POLD3: variants seen among roughly 807,000 people sequenced by gnomAD.
POLD3 encodes DNA polymerase delta 3, accessory subunit.
Under a neutral mutation model 58.2 loss-of-function variants are expected in POLD3, and 19 were observed. The ratio of observed to expected loss-of-function variants is 0.33; its 90% CI spans 0.23 to 0.48. The LOEUF (loss-of-function observed/expected upper bound fraction) is 0.48. POLD3 is among the 20% of genes least tolerant of loss of function. The pLI is 0.99. For missense variants in POLD3, 504 were observed against 545.5 expected (o/e 0.92, Z 0.76); for synonymous variants, 172 against 193.5 (o/e 0.89, Z 0.92).
chr11:74,663,359 G>A (rs942107110), intron 4 of POLD3, among the ~76,000 whole-genome samples: 3 of 152,188 alleles, frequency 2.0e-5, no homozygotes, highest in Non-Finnish European at 4.4e-5. Flanking sequence ...AGGCTTTTTT[G>A]TAGAAATTGG....
intron 4 of POLD3, among the ~76,000 whole-genome samples, chr11:74,653,142 T>C (rs1485508902): frequency 6.6e-6 from 1 of 152,252 alleles, no homozygotes; most frequent in East Asian, 1.9e-4. Context: ...TCATATATAT[T>C]AGGTTGGTAC....
In POLD3 at chr11:74,611,484, G is replaced by A; in HGVS notation, c.220-15G>A. The A allele has an allele frequency of 6.6e-7, 1 of 1,504,678 alleles. No individual in the cohort carries two copies. The highest frequency in any genetic ancestry group is 9.2e-7 in the Non-Finnish European group (1 of 1,090,278). 93.2% of individuals were successfully genotyped at this position (1,504,678 alleles called of 1,614,324 possible). ...TTCTTACATTAAGCACTAATAAAGT[G>A]TTATTTTCTTACAGTGCCACAAGGT... is the stretch of plus-strand genomic sequence containing the variant. On this transcript the variant is annotated splice_polypyrimidine_tract_variant and intron_variant, in intron 3 of 11. Coordinates refer to ENST00000263681, the MANE Select transcript of POLD3 (RefSeq NM_006591.3).
At chr11:74,625,871 T>TTTGTGTGTGTGTGTG (rs142784051) in intron 8 of POLD3, among the ~76,000 whole-genome samples, 1 of 143,574 alleles carries the variant, frequency 7.0e-6, no homozygotes, top group Admixed American at 6.9e-5. Context: ...GTGTGCCTAG[T>TTTGTGTGTGTGTGTG]TGTGTGTGTG....
chr11:74,612,093 T>A (rs2031932850), intron 4 of POLD3, among the ~76,000 whole-genome samples: 1 of 152,154 alleles, frequency 6.6e-6, no homozygotes, highest in Non-Finnish European at 1.5e-5. Context: ...CAGGCCCCAT[T>A]TCACAGATTG....
intron 5 of POLD3, among the ~76,000 whole-genome samples, chr11:74,616,718 T>C (rs1354043592): frequency 6.6e-6 from 1 of 152,202 alleles, no homozygotes; most frequent in East Asian, 1.9e-4. Context: ...TTTGGAGCTT[T>C]TGACTCTAGC....
At position 74,640,470 on chromosome 11, in the gene POLD3, GTC is replaced by G. The variant is rs2032880611; in HGVS notation, c.1199-92_1199-91del. 3.5e-6 allele frequency: 5 copies of G among 1,412,206 alleles called. No individual in the cohort carries two copies. The East Asian group carries it at 1.3e-4, about 36-fold the overall frequency. 87.5% of individuals were successfully genotyped at this position (1,412,206 alleles called of 1,614,324 possible). On this transcript the variant is annotated intron_variant, in intron 11 of 11. Transcript: ENST00000263681. ...AGTAAGCATATTTGCCTTGATCAGA[GTC>G]TGAAATGATTGGGGTTAGCAAGACA...
In POLD3 at chr11:74,629,280, G is replaced by C. The variant is rs773112570; in HGVS notation, c.963G>C (p.Arg321Ser). ...TKETENMRKK[R>S]RRIKLPESDS... ...AAACTGAAAACATGAGGAAAAAGAG[G>C]AGAAGAATCAAACTTCCTGAATCTG... The change falls in exon 9 of 12, where the codon AGG becomes AGC. Residue 321 changes from arginine (R) to serine (S), a missense_variant. Physicochemically the swap from Arg to Ser is moderately radical, Grantham distance 110. Transcript: ENST00000263681. The C allele has an allele frequency of 1.6e-5, 26 of 1,609,618 alleles. No homozygotes were observed. The South Asian group carries it at 2.8e-4, about 17-fold the overall frequency.
At chr11:74,631,956 C>A (rs1272137241) in intron 9 of POLD3, among the ~76,000 whole-genome samples, 2 of 152,060 alleles carry the variant, frequency 1.3e-5, no homozygotes, top group African/African-American at 4.8e-5. Flanking sequence ...CTCTTTTACC[C>A]CTGCGGGGTC....
chr11:74,593,059 A>G (rs953392422), intron 1 of POLD3: 1 of 1,106,116 alleles, frequency 9.0e-7, no homozygotes, highest in Non-Finnish European at 1.1e-6. Flanking sequence ...TTAAAGTTTT[A>G]AGTTTACAGT....
intron 3 of POLD3, among the ~76,000 whole-genome samples, chr11:74,609,372 A>ATATATATATTTT (rs2031821525): frequency 3.7e-5 from 1 of 27,210 alleles, no homozygotes; most frequent in African/African-American, 1.9e-4. Context: ...ATATATATAT[A>ATATATATATTTT]TTTTTTTTTT....
At chr11:74,625,235 A>C (rs764548200) in intron 7 of POLD3, among the ~76,000 whole-genome samples, 173 bp from the exon 8 acceptor site, 6 of 149,800 alleles carry the variant, frequency 4.0e-5, no homozygotes, top group Non-Finnish European at 8.9e-5. Context: ...GGCAGAAATG[A>C]AAAGTTACAG....
rs1043179688 is a variant in POLD3, at chr11:74,642,241, T to A, written c.*1475T>A. On this transcript the variant is annotated 3_prime_UTR_variant, in exon 12 of 12. Coordinates refer to ENST00000263681, the MANE Select transcript of POLD3 (RefSeq NM_006591.3). ...GACCAGAAGTTTGGGAGATGAGTCC[T>A]GGCATTATGTCTAGGACTAAAGCAG... 135 of 985,300 alleles carry A rather than the reference T, an allele frequency of 1.4e-4. No homozygotes were observed. The highest frequency in any genetic ancestry group is 1.8e-4 in the Admixed American group (3 of 16,272). The allele number at this position is 985,300 out of a possible 1,614,324, so 61.0% of individuals were successfully genotyped here.
intron 5 of POLD3, among the ~76,000 whole-genome samples, chr11:74,614,410 C>T (rs1273034242): frequency 6.6e-6 from 1 of 151,960 alleles, no homozygotes; most frequent in African/African-American, 2.4e-5. Context: ...GAGTCATGAC[C>T]ATCAAAAAAC....
Position 74,643,034 on chromosome 11 carries a change from C to A in POLD3, c.*2268C>A. 3.3e-6 allele frequency: 2 copies of A among 607,734 alleles called. No individual in the cohort carries two copies. The highest frequency in any genetic ancestry group is 4.1e-6 in the Non-Finnish European group (2 of 485,290). 37.6% of individuals were successfully genotyped at this position (607,734 alleles called of 1,614,324 possible). On this transcript the variant is annotated 3_prime_UTR_variant, in exon 12 of 12. Transcript: ENST00000263681. ...AGTTTCACAGCCTCAAGTTCTTTAT[C>A]AAAATAAAACTAAAATGAGTTACCA... is the stretch of plus-strand genomic sequence containing the variant.
At chr11:74,647,012 G>T (rs974760499), downstream of POLD3, among the ~76,000 whole-genome samples, 1 of 152,222 alleles carries the variant, frequency 6.6e-6, no homozygotes, top group Non-Finnish European at 1.5e-5. Flanking sequence ...AGATCATCAG[G>T]CATTAGTTAG....
intron 4 of POLD3, among the ~76,000 whole-genome samples, chr11:74,650,312 A>G (rs1000368865): frequency 6.7e-6 from 1 of 148,820 alleles, no homozygotes; most frequent in Admixed American, 6.6e-5. Context: ...TAATGGACCC[A>G]GTGTTTCCTT....
chr11:74,617,213 A>G (rs961535465), intron 5 of POLD3, among the ~76,000 whole-genome samples: 16 of 152,234 alleles, frequency 1.1e-4, no homozygotes, highest in East Asian at 1.9e-4. Flanking sequence ...CGGCACTTCT[A>G]TAATGATTAG....
chr11:74,642,197 C>G lies in POLD3; in HGVS notation c.*1431C>G. On this transcript the variant is annotated 3_prime_UTR_variant, in exon 12 of 12. Coordinates refer to ENST00000263681, the MANE Select transcript of POLD3 (RefSeq NM_006591.3). ...GATTAACATGAGCTTCTTTAGCAAC[C>G]AAGCATGAACTTGATTAAGACCAGA... 1 of 985,416 alleles carries G rather than the reference C, an allele frequency of 1.0e-6. No individual in the cohort carries two copies. The allele number at this position is 985,416 out of a possible 1,614,324, so 61.0% of individuals were successfully genotyped here.
At chr11:74,638,684 C>A (rs1190428755) in intron 11 of POLD3, 1 of 455,770 alleles carries the variant, frequency 2.2e-6, no homozygotes, top group South Asian at 1.6e-5. Flanking sequence ...AATAGGTATG[C>A]CATGGGAATT....
Sources: gnomAD v4.1 joint callset for allele counts (sites outside exome capture counted in the v4.1 genomes callset) on GRCh38, gnomAD v4.1.1 for gene constraint, MANE v1.5 for transcripts, NCBI Gene and HGNC (gene_info 2026-07-23, HGNC 2026-07-21) for gene names.